ST6GALNAC5: variants seen among roughly 807,000 people sequenced by gnomAD.
The protein encoded by ST6GALNAC5 is alpha-N-acetylgalactosaminide alpha-2,6-sialyltransferase 5.
A neutral mutation model predicts 33.6 loss-of-function variants in ST6GALNAC5; 27 were observed. The ratio of observed to expected loss-of-function variants is 0.80; its 90% CI spans 0.59 to 1.11. ST6GALNAC5 has a LOEUF of 1.11. Among genes scored for constraint, ST6GALNAC5 ranks in the 50% least tolerant of loss-of-function variants. The pLI is 0.00. For missense variants in ST6GALNAC5, 428 were observed against 454.0 expected (o/e 0.94, Z 0.52); for synonymous variants, 194 against 171.2 (o/e 1.13, Z -1.04).
At chr1:77,011,015 C>T (rs527907777) in intron 2 of ST6GALNAC5, among the ~76,000 whole-genome samples, 2 of 152,318 alleles carry the variant, frequency 1.3e-5, no homozygotes. Context: ...ACCGTTGATC[C>T]TTTTCCTTGA....
chr1:77,015,624 A>T (rs896611922), intron 2 of ST6GALNAC5, among the ~76,000 whole-genome samples: 5 of 152,136 alleles, frequency 3.3e-5, no homozygotes, highest in African/African-American at 1.2e-4. Context: ...TACAAGGTGG[A>T]CAGAGCTGAA....
intron 2 of ST6GALNAC5, among the ~76,000 whole-genome samples, chr1:76,872,700 A>G (rs546463954): frequency 1.3e-5 from 2 of 152,342 alleles, no homozygotes; most frequent in South Asian, 4.1e-4. Flanking sequence ...ACAAGTTTAC[A>G]TAATTTATTT....
At chr1:77,033,622 A>G (rs1026226163) in intron 2 of ST6GALNAC5, among the ~76,000 whole-genome samples, 1 of 152,116 alleles carries the variant, frequency 6.6e-6, no homozygotes, top group Non-Finnish European at 1.5e-5. Context: ...TTGTTATAGA[A>G]TAAGTGGGGG....
intron 2 of ST6GALNAC5, among the ~76,000 whole-genome samples, chr1:77,034,631 C>T (rs1447070725): frequency 6.6e-6 from 1 of 152,180 alleles, no homozygotes; most frequent in Non-Finnish European, 1.5e-5. Context: ...AGGCATTCAG[C>T]ATCTTTCCTG....
intron 2 of ST6GALNAC5, among the ~76,000 whole-genome samples, chr1:76,903,863 G>A (rs1441496588): frequency 6.6e-6 from 1 of 152,080 alleles, no homozygotes; most frequent in Admixed American, 6.6e-5. Context: ...TCCAGAATAA[G>A]CAAATCCATA....
intron 2 of ST6GALNAC5, among the ~76,000 whole-genome samples, chr1:76,968,648 A>G (rs191555437): frequency 8.7e-4 from 133 of 152,272 alleles, no homozygotes; most frequent in Admixed American, 2.0e-3. Flanking sequence ...TATTTTGCCC[A>G]TTAGTTGATG....
intron 2 of ST6GALNAC5, among the ~76,000 whole-genome samples, chr1:76,934,554 A>T (rs1647178047): frequency 6.6e-6 from 1 of 151,998 alleles, no homozygotes; most frequent in African/African-American, 2.4e-5. Context: ...TCTGCGATAA[A>T]ATCCCCGTTT....
At chr1:77,019,258 A>G (rs146284099) in intron 2 of ST6GALNAC5, among the ~76,000 whole-genome samples, 71 of 152,286 alleles carry the variant, frequency 4.7e-4, no homozygotes, top group African/African-American at 1.6e-3. Flanking sequence ...GAATATATGA[A>G]ACAAAAAGGA....
At chr1:76,969,933 A>G (rs750291563) in intron 2 of ST6GALNAC5, among the ~76,000 whole-genome samples, 2 of 151,986 alleles carry the variant, frequency 1.3e-5, no homozygotes, top group Non-Finnish European at 1.5e-5. Context: ...CCACCAGCAA[A>G]CTCCAACTGA....
chr1:76,907,877 T>C (rs983894060), intron 2 of ST6GALNAC5, among the ~76,000 whole-genome samples: 3 of 152,158 alleles, frequency 2.0e-5, no homozygotes, highest in Non-Finnish European at 2.9e-5. Flanking sequence ...TATATTTGGT[T>C]CATGGTTTCA....
intron 2 of ST6GALNAC5, among the ~76,000 whole-genome samples, chr1:76,884,150 T>C (rs181148915): frequency 6.6e-6 from 1 of 152,304 alleles, no homozygotes; most frequent in East Asian, 1.9e-4. Flanking sequence ...TGAAGAGACC[T>C]CAGGTTTCTG....
At chr1:76,987,929 C>A (rs1248742297) in intron 2 of ST6GALNAC5, among the ~76,000 whole-genome samples, 1 of 152,026 alleles carries the variant, frequency 6.6e-6, no homozygotes, top group African/African-American at 2.4e-5. Context: ...CTAGTAAAGC[C>A]AAGGAAGTTT....
At chr1:77,017,467 G>A (rs1188606271) in intron 2 of ST6GALNAC5, among the ~76,000 whole-genome samples, 1 of 152,174 alleles carries the variant, frequency 6.6e-6, no homozygotes, top group Non-Finnish European at 1.5e-5. Flanking sequence ...AAGGGCACGG[G>A]AGCATGGCCT....
chr1:77,035,399 T>C (rs180709940), intron 2 of ST6GALNAC5, among the ~76,000 whole-genome samples: 5 of 152,258 alleles, frequency 3.3e-5, no homozygotes, highest in Admixed American at 1.3e-4. Flanking sequence ...TTAAGGGTGT[T>C]GTACAGAGAA....
intron 2 of ST6GALNAC5, among the ~76,000 whole-genome samples, chr1:76,883,242 C>T (rs990578952): frequency 1.3e-5 from 2 of 152,212 alleles, no homozygotes; most frequent in Admixed American, 6.5e-5. Context: ...GTATCTTACA[C>T]ATGCTTCTGA....
intron 2 of ST6GALNAC5, among the ~76,000 whole-genome samples, chr1:77,015,216 G>C (rs1650783253): frequency 6.6e-6 from 1 of 152,178 alleles, no homozygotes; most frequent in African/African-American, 2.4e-5. Context: ...ACCCAGGGGA[G>C]CTGATGATAT....
At chr1:76,970,244 T>C (rs756217090) in intron 2 of ST6GALNAC5, among the ~76,000 whole-genome samples, 4 of 151,812 alleles carry the variant, frequency 2.6e-5, no homozygotes, top group Non-Finnish European at 4.4e-5. Context: ...AGGTCGGTAA[T>C]AACAAACTTC....
chr1:76,921,175 G>T (rs551398778), intron 2 of ST6GALNAC5, among the ~76,000 whole-genome samples: 1 of 152,120 alleles, frequency 6.6e-6, no homozygotes, highest in African/African-American at 2.4e-5. Context: ...TGGCATGGCC[G>T]CAGAGGAGAA....
intron 3 of ST6GALNAC5, among the ~76,000 whole-genome samples, chr1:77,046,837 T>C (rs569995373): frequency 2.0e-5 from 3 of 152,354 alleles, no homozygotes; most frequent in Admixed American, 6.5e-5. Flanking sequence ...ACTGCCGCAA[T>C]GTTAGCTATT....
Sources: gnomAD v4.1 joint callset for allele counts (sites outside exome capture counted in the v4.1 genomes callset) on GRCh38, gnomAD v4.1.1 for gene constraint, MANE v1.5 for transcripts, NCBI Gene and HGNC (gene_info 2026-07-23, HGNC 2026-07-21) for gene names.